TTN: variants seen among roughly 807,000 people sequenced by gnomAD.
TTN encodes titin.
A neutral mutation model predicts 3,223.0 loss-of-function variants in TTN; 1,525 were observed. The observed-to-expected ratio is 0.47, with a 90% CI of 0.45 to 0.49. The LOEUF (loss-of-function observed/expected upper bound fraction) is 0.49. Ranked by LOEUF, TTN falls within the 20% of genes least tolerant of loss-of-function variation. The pLI is 0.00. For missense variants in TTN, 40,786 were observed against 43,424.0 expected (o/e 0.94, Z 5.40); for synonymous variants, 14,094 against 15,161.0 (o/e 0.93, Z 5.17).
At chr2:178,688,594 A>G in intron 126 of TTN, 83 bp downstream of exon 126, 1 of 967,656 alleles carries the variant, frequency 1.0e-6, no homozygotes. Flanking sequence ...CATGTTCTAA[A>G]GTAAACAATC....
Position 178,768,791 on chromosome 2 carries a change from C to T in TTN, c.9045G>A (p.Gln3015=), listed in dbSNP as rs1271074040. 2 of 1,613,964 alleles carry T rather than the reference C, an allele frequency of 1.2e-6. No homozygotes were observed. Among genetic ancestry groups the T allele is most frequent in the Non-Finnish European group, 8.5e-7 (1 of 1,179,996 alleles). ...GVEIKSTDKC[Q]MRTKKLTHSL... ...AGTGTGTGAGCTTTTTGGTTCTCAT[C>T]TGGCACTTGTCAGTTGATTTGATTT... The change falls in exon 38 of 363, where the codon CAG becomes CAA. Residue 3015 remains glutamine (Q), a synonymous_variant. Coordinates refer to ENST00000589042, the MANE Select transcript of TTN (RefSeq NM_001267550.2).
rs878854328 is a variant in TTN, at chr2:178,576,691, G to A, written c.69553C>T (p.Arg23185Ter). The change falls in exon 325 of 363, where the codon CGA becomes TGA. Residue 23185 changes from arginine (R) to a stop codon, truncating the protein, a stop_gained. Coordinates refer to ENST00000589042, the MANE Select transcript of TTN (RefSeq NM_001267550.2). LOFTEE classifies it high-confidence loss of function. This position sits in a 1 kb window ranked among gnomAD's most constrained non-coding sequence, Gnocchi z 4.3. ...GGTGTTTTTATTGCTCTCACCCATC[G>A]CAGGCTTTTCTTTTCTCTCCTTTCT... ...HVERREKKSL[R>*]WVRAIKTPVS... The A allele has an allele frequency of 2.5e-6, 4 of 1,613,388 alleles. No individual in the cohort carries two copies. The highest frequency in any genetic ancestry group is 1.7e-4 in the Middle Eastern group (1 of 6,056).
intron 157 of TTN, 117 bp from the exon 158 acceptor site, chr2:178,669,792 A>T: frequency 1.0e-6 from 1 of 956,774 alleles, no homozygotes. Flanking sequence ...ATTATAAGTC[A>T]ACTATAAGTC....
chr2:178,764,778 T>A lies in TTN; in HGVS notation c.9737A>T (p.Gln3246Leu). The change falls in exon 42 of 363, where the codon CAG becomes CTG. Residue 3246 changes from glutamine (Q) to leucine (L), a missense_variant. Coordinates refer to ENST00000589042, the MANE Select transcript of TTN (RefSeq NM_001267550.2). Reference sequence around the variant, plus strand: ...CTTGCCAGACTGCACAGTGACAGGCTGGAGCTCCTGCAGAACTTGGGGCGG... The same window carrying A: ...CTTGCCAGACTGCACAGTGACAGGCAGGAGCTCCTGCAGAACTTGGGGCGG... ...PEPPQVLQEL[Q>L]PVTVQSGKPA... is the part of the protein sequence containing the mutation. 6.2e-7 allele frequency: 1 copy of A among 1,613,696 alleles called. No individual in the cohort carries two copies. The highest frequency in any genetic ancestry group is 8.5e-7 in the Non-Finnish European group (1 of 1,179,906).
chr2:178,782,777 A>G, intron 18 of TTN, 29 bp downstream of exon 18: 2 of 1,612,156 alleles, frequency 1.2e-6, no homozygotes, highest in Non-Finnish European at 1.7e-6. Context: ...TGGCATGTGC[A>G]TTAGGACTGT....
rs777780923 is a variant in TTN at position 178,565,748 on chromosome 2, G to A, written c.80384C>T (p.Thr26795Ile). The A allele has an allele frequency of 6.2e-7, 1 of 1,613,572 alleles. No individual in the cohort carries two copies. Among genetic ancestry groups the A allele is most frequent in the South Asian group, 1.1e-5 (1 of 91,082 alleles). ...TTTCTCCCACATAAGTGATGCACTG[G>A]TCTGGGACACATCAGTGAGTGTAAC... Reference protein sequence around the residue: ...GKVTLTDVSQTSASLMWEKPE... With the variant: ...GKVTLTDVSQISASLMWEKPE... The change falls in exon 326 of 363, where the codon ACC becomes ATC. Residue 26795 changes from threonine (T) to isoleucine (I), a missense_variant. Thr to Ile is a moderately conservative substitution (Grantham distance 89, BLOSUM62 -1). Transcript: ENST00000589042.
chr2:178,537,514 G>T lies in TTN; in HGVS notation c.99693C>A (p.Phe33231Leu). ...AGTTTTGCAAAAGTTTCTGACCATG[G>T]AACCAAGTCATGGCAGGTACTGGAC... ...IGRPVPAMTWFHGQKLLQNSE... is the reference protein window; with the variant it reads ...IGRPVPAMTWLHGQKLLQNSE... The change falls in exon 355 of 363, where the codon TTC becomes TTA. Residue 33231 changes from phenylalanine to leucine, a missense_variant. Phe to Leu is a conservative substitution (Grantham distance 22). Transcript: ENST00000589042. The T allele has an allele frequency of 6.2e-7, 1 of 1,613,704 alleles. No individual in the cohort carries two copies. Among genetic ancestry groups the T allele is most frequent in the South Asian group, 1.1e-5 (1 of 91,072 alleles).
chr2:178,720,005 G>C lies in TTN; in HGVS notation c.23637C>G (p.Cys7879Trp), dbSNP rs756600411. 8 of 1,611,368 alleles carry C rather than the reference G, an allele frequency of 5.0e-6. No homozygotes were observed. In the South Asian group the frequency reaches 8.8e-5, roughly 18 times the overall value. The change falls in exon 81 of 363, where the codon TGC becomes TGG. Residue 7879 changes from cysteine (C) to tryptophan (W), a missense_variant. Coordinates refer to ENST00000589042, the MANE Select transcript of TTN (RefSeq NM_001267550.2). Reference protein sequence around the residue: ...QIKNDAGMRECSAVLTVLEPA... With the variant: ...QIKNDAGMREWSAVLTVLEPA... Reference sequence around the variant, plus strand: ...AACCTAGTACAGTCAAGACTGCAGAGCATTCTCTCATTCCAGCATCGTTTT... The same window carrying C: ...AACCTAGTACAGTCAAGACTGCAGACCATTCTCTCATTCCAGCATCGTTTT...
In TTN at chr2:178,613,806, C is replaced by G; in HGVS notation, c.49477G>C (p.Asp16493His). Reference sequence around the variant, plus strand: ...TTGCATCTAACCCATTTATCTGTATCAGGATCCAGTCTTTCAACCCAGTAT... The same window carrying G: ...TTGCATCTAACCCATTTATCTGTATGAGGATCCAGTCTTTCAACCCAGTAT... ...TGYWVERLDP[D>H]TDKWVRCNKM... The change falls in exon 263 of 363, where the codon GAT becomes CAT. Residue 16493 changes from aspartate (D) to histidine (H), a missense_variant. Transcript: ENST00000589042. The G allele has an allele frequency of 6.2e-7, 1 of 1,612,632 alleles. No homozygotes were observed. The highest frequency in any genetic ancestry group is 8.5e-7 in the Non-Finnish European group (1 of 1,179,070).
At chr2:178,678,874 T>G in intron 142 of TTN, 44 bp from the exon 143 acceptor site, 1 of 1,514,736 alleles carries the variant, frequency 6.6e-7, no homozygotes, top group Non-Finnish European at 8.9e-7. Context: ...TTTTTACCCA[T>G]AGCTAAGATT....
At chr2:178,639,915 A>T in intron 222 of TTN, 127 bp from the exon 223 acceptor site, 1 of 1,429,854 alleles carries the variant, frequency 7.0e-7, no homozygotes, top group Non-Finnish European at 9.6e-7. Flanking sequence ...AGAGAATAGT[A>T]TATTAAGCAT....
In TTN at chr2:178,569,173, AGTT is replaced by A; in HGVS notation, c.76956_76958del (p.Thr25653del). On this transcript the variant is annotated inframe_deletion, in exon 326 of 363. Transcript: ENST00000589042. Reference sequence around the variant, plus strand: ...TTTTCCAAGAATTCTTATGGCAGTTAGTTACAACAGCAGCATATGATTTTCTTG... The same window carrying A: ...TTTTCCAAGAATTCTTATGGCAGTTAACAACAGCAGCATATGATTTTCTTG... 6.2e-7 allele frequency: 1 copy of A among 1,613,112 alleles called. No individual in the cohort carries two copies. The highest frequency in any genetic ancestry group is 2.2e-5 in the East Asian group (1 of 44,848).
Position 178,734,547 on chromosome 2 carries a change from G to A in TTN, c.15277C>T (p.Leu5093=), listed in dbSNP as rs764663290. The A allele has an allele frequency of 1.4e-5, 22 of 1,607,806 alleles. No homozygotes were observed. In the African/African-American group the frequency reaches 2.7e-4, roughly 20 times the overall value. Reference sequence around the variant, plus strand: ...GTGCCTGAGACTTCACACTGAAGTAGAGCATTTGTTCCTCTCACTATGTCT... The same window carrying A: ...GTGCCTGAGACTTCACACTGAAGTAAAGCATTTGTTCCTCTCACTATGTCT... The part of the protein sequence containing the change: ...PADIVRGTNA[L]LQCEVSGTGP... The change falls in exon 52 of 363, where the codon CTA becomes TTA. Residue 5093 remains leucine (L), a synonymous_variant. Coordinates refer to ENST00000589042, the MANE Select transcript of TTN (RefSeq NM_001267550.2).
rs1199519223 is a variant in TTN, at chr2:178,617,343, G to A, written c.47742C>T (p.Val15914=). The change falls in exon 254 of 363, where the codon GTC becomes GTT. Residue 15914 remains valine (V), a synonymous_variant. Coordinates refer to ENST00000589042, the MANE Select transcript of TTN (RefSeq NM_001267550.2). ...GACCTACCTTGTAAGTCAGTTCAGG[G>A]ACAAGTTTCATATTGCAACGAATCC... ...DNWIRCNMKL[V]PELTYKVTGL... is the part of the protein sequence containing the mutation. The A allele has an allele frequency of 6.3e-7, 1 of 1,581,506 alleles. No homozygotes were observed.
rs397517782 is a variant in TTN, at chr2:178,536,584, CA to C, written c.100172-10del. On this transcript the variant is annotated splice_polypyrimidine_tract_variant and intron_variant, in intron 356 of 362. Coordinates refer to ENST00000589042, the MANE Select transcript of TTN (RefSeq NM_001267550.2). ...AGGAGCACCTGGCTTTTCTATTAAA[CA>C]AAAAAAAGATTTGAGTCATGAGATG... is the stretch of plus-strand genomic sequence containing the variant. The C allele has an allele frequency of 3.5e-5, 52 of 1,479,830 alleles. No homozygotes were observed. The highest frequency in any genetic ancestry group is 4.3e-5 in the Non-Finnish European group (48 of 1,121,208). 91.7% of individuals were successfully genotyped at this position (1,479,830 alleles called of 1,614,324 possible).
In TTN at chr2:178,715,476, G is replaced by A; in HGVS notation, c.25921+17C>T. ...GGAGGCTAATGTGAAAAACACACAGGTGGGGAGAGCGCTGACCTTTAACTT... is the reference window on the plus strand; with the variant it reads ...GGAGGCTAATGTGAAAAACACACAGATGGGGAGAGCGCTGACCTTTAACTT... On this transcript the variant is annotated intron_variant, in intron 89 of 362. Coordinates refer to ENST00000589042, the MANE Select transcript of TTN (RefSeq NM_001267550.2). 2 of 1,601,320 alleles carry A rather than the reference G, an allele frequency of 1.2e-6. No homozygotes were observed. The highest frequency in any genetic ancestry group is 1.7e-6 in the Non-Finnish European group (2 of 1,171,670).
intron 356 of TTN, 123 bp from the exon 357 acceptor site, chr2:178,536,698 G>T: frequency 1.1e-6 from 1 of 926,154 alleles, no homozygotes; most frequent in Non-Finnish European, 1.5e-6. Flanking sequence ...ATTCCAGAAA[G>T]ATGAAATTGG....
Position 178,640,470 on chromosome 2 carries a change from A to T in TTN, c.40723+71T>A. The T allele has an allele frequency of 3.0e-6, 4 of 1,325,134 alleles. No homozygotes were observed. The South Asian group carries it at 4.9e-5, about 16-fold the overall frequency. The allele number at this position is 1,325,134 out of a possible 1,614,324, so 82.1% of individuals were successfully genotyped here. On this transcript the variant is annotated intron_variant, in intron 221 of 362. Coordinates refer to ENST00000589042, the MANE Select transcript of TTN (RefSeq NM_001267550.2). ...GGTCATGTGTTCAAATCTTGATGTC[A>T]GTGTAATGATATTTTAAATGATACA...
chr2:178,678,554 GC>G, intron 143 of TTN, 57 bp from the exon 144 acceptor site: 1 of 1,381,094 alleles, frequency 7.2e-7, no homozygotes, highest in East Asian at 2.6e-5. Context: ...CTGATTCCAA[GC>G]ATAGTTTCAA....
Sources: allele counts gnomAD v4.1 joint callset, GRCh38; gene constraint gnomAD v4.1.1; non-coding constraint Gnocchi (gnomAD v3.1); transcripts MANE v1.5; gene names NCBI Gene and HGNC (gene_info 2026-07-23, HGNC 2026-07-21).